Variants in DNAJC13 observed in about 807,000 individuals in gnomAD.
DNAJC13 encodes DnaJ heat shock protein family (Hsp40) member C13, also known as dnaJ homolog subfamily C member 13.
In DNAJC13, 75 loss-of-function variants were observed where a neutral mutation model predicts 290.5. That is an observed-to-expected ratio of 0.26 (90% CI 0.21 to 0.31). The LOEUF (loss-of-function observed/expected upper bound fraction) is 0.31, where lower values mean the gene tolerates loss of function less well. DNAJC13 is among the 10% of genes least tolerant of loss of function. DNAJC13 has a pLI of 1.00. For missense variants in DNAJC13, 2,260 were observed against 2,674.5 expected, an observed-to-expected ratio of 0.85 and a Z score of 3.42; for synonymous variants, 862 against 892.0, an observed-to-expected ratio of 0.97 and a Z score of 0.60.
chr3:132,477,271 C>T (rs1307837496), intron 22 of DNAJC13, among the ~76,000 whole-genome samples: 1 of 152,284 alleles, frequency 6.6e-6, no homozygotes, highest in East Asian at 1.9e-4. Flanking sequence ...TGAGTGCAAG[C>T]ATAGTGGTGG....
chr3:132,500,729 A>C, intron 38 of DNAJC13, 65 bp from the exon 39 acceptor site: 1 of 1,595,528 alleles, frequency 6.3e-7, no homozygotes, highest in Non-Finnish European at 8.6e-7. Context: ...TTTGATTTCT[A>C]TGTGTTAAAT....
chr3:132,447,356 T>C lies in DNAJC13; in HGVS notation c.180T>C (p.Val60=). The change falls in exon 4 of 56, where the codon GTT becomes GTC. Residue 60 remains valine, a synonymous_variant. Transcript: ENST00000260818. ...PYGDICSISP[V]GKGQGTEFNL... is the part of the protein sequence containing the mutation. The stretch of plus-strand genomic sequence containing the variant: ...GAGACATTTGCAGCATCAGCCCTGT[T>C]GGAAAAGGACAAGGAACGGAGTTCA... 1 of 1,598,866 alleles carries C rather than the reference T, an allele frequency of 6.3e-7. No homozygotes were observed. The highest frequency in any genetic ancestry group is 8.5e-7 in the Non-Finnish European group (1 of 1,174,754).
chr3:132,499,016 C>T, intron 36 of DNAJC13, 110 bp from the exon 37 acceptor site: 1 of 1,015,206 alleles, frequency 9.9e-7, no homozygotes, highest in Non-Finnish European at 1.4e-6. Context: ...ATGCCTGGCC[C>T]CATTTTTATT....
At chr3:132,422,378 T>C (rs944159555) in intron 1 of DNAJC13, among the ~76,000 whole-genome samples, 1 of 152,128 alleles carries the variant, frequency 6.6e-6, no homozygotes, top group Admixed American at 6.5e-5. Flanking sequence ...ATGGTACTTA[T>C]CTTTGGGACT....
At chr3:132,534,519 A>T (rs1281860398) in intron 55 of DNAJC13, among the ~76,000 whole-genome samples, 1 of 152,130 alleles carries the variant, frequency 6.6e-6, no homozygotes, top group Non-Finnish European at 1.5e-5. Flanking sequence ...TTAGCCAGGC[A>T]TGTTGGTGCA....
chr3:132,467,392 TG>T, intron 20 of DNAJC13, 79 bp downstream of exon 20: 1 of 1,443,448 alleles, frequency 6.9e-7, no homozygotes, highest in Non-Finnish European at 9.5e-7. Flanking sequence ...TTCACAGAGA[TG>T]GTATCGATAC....
At chr3:132,510,278 G>A (rs976462698) in intron 43 of DNAJC13, among the ~76,000 whole-genome samples, 5 of 152,120 alleles carry the variant, frequency 3.3e-5, no homozygotes, top group South Asian at 2.1e-4. Context: ...TTTAGAAGAT[G>A]ACTGGAGTCA....
At chr3:132,494,003 G>A (rs1935148818) in intron 33 of DNAJC13, 141 bp from the exon 34 acceptor site, 1 of 628,530 alleles carries the variant, frequency 1.6e-6, no homozygotes, top group African/African-American at 1.8e-5. Context: ...GGTGATTTTG[G>A]TTATTTGTAT....
chr3:132,483,289 A>G, intron 27 of DNAJC13, 86 bp from the exon 28 acceptor site: 1 of 1,137,430 alleles, frequency 8.8e-7, no homozygotes, highest in Non-Finnish European at 1.3e-6. Context: ...TTCATAATTT[A>G]GTATGTATTT....
In DNAJC13 at chr3:132,461,148, T is replaced by G. The variant is rs1379790214; in HGVS notation, c.1656T>G (p.Phe552Leu). Residue 552 changes from phenylalanine (F) to leucine (L), a missense_variant, in exon 15 of 56, where the codon TTT (phenylalanine) becomes TTG (leucine). Coordinates refer to ENST00000260818, the MANE Select transcript of DNAJC13 (RefSeq NM_015268.4). ...PYSETTEGQQ[F>L]DMLLEMVASN... ...GTGAGACAACTGAAGGGCAGCAGTT[T>G]GATATGCTCTTGGAGATGGTAGCAT... is the stretch of plus-strand genomic sequence containing the variant. The G allele has an allele frequency of 6.2e-7, 1 of 1,614,144 alleles. No individual in the cohort carries two copies. Among genetic ancestry groups the G allele is most frequent in the Admixed American group, 1.7e-5 (1 of 60,026 alleles).
At chr3:132,485,483 A>G (rs1934837430) in intron 29 of DNAJC13, among the ~76,000 whole-genome samples, 1 of 152,218 alleles carries the variant, frequency 6.6e-6, no homozygotes, top group Non-Finnish European at 1.5e-5. Context: ...TGGAAGATTG[A>G]GCCTAAACAT....
intron 1 of DNAJC13, among the ~76,000 whole-genome samples, chr3:132,428,185 TTGAA>T (rs1410455917): frequency 6.6e-6 from 1 of 152,208 alleles, no homozygotes; most frequent in Non-Finnish European, 1.5e-5. Flanking sequence ...ACCTCTCACT[TTGAA>T]TGATACATAG....
intron 5 of DNAJC13, among the ~76,000 whole-genome samples, chr3:132,450,273 G>T (rs986387800): frequency 6.6e-5 from 10 of 151,944 alleles, no homozygotes; most frequent in African/African-American, 2.2e-4. Context: ...ATTGAACTTG[G>T]ATTAAAAGAA....
At chr3:132,534,033 TAGA>T (rs1023032431) in intron 55 of DNAJC13, among the ~76,000 whole-genome samples, 8 of 152,178 alleles carry the variant, frequency 5.3e-5, no homozygotes, top group Admixed American at 2.0e-4. Flanking sequence ...GTGAAGGGGT[TAGA>T]AGAAGGTTAG....
chr3:132,434,761 A>C, intron 2 of DNAJC13, 143 bp downstream of exon 2: 1 of 522,808 alleles, frequency 1.9e-6, no homozygotes, highest in Non-Finnish European at 3.1e-6. Context: ...ATAAATGTAA[A>C]TGCTACATGT....
At chr3:132,506,779 T>C (rs943863118) in intron 42 of DNAJC13, among the ~76,000 whole-genome samples, 2 of 151,886 alleles carry the variant, frequency 1.3e-5, no homozygotes, top group African/African-American at 4.8e-5. Flanking sequence ...CTCGATCTCT[T>C]GACCTCATGA....
intron 1 of DNAJC13, among the ~76,000 whole-genome samples, chr3:132,432,836 T>A (rs1939277402): frequency 1.3e-5 from 2 of 152,230 alleles, no homozygotes; most frequent in Non-Finnish European, 2.9e-5. Flanking sequence ...ACAATCTTGA[T>A]CTGTTCTATA....
At position 132,515,265 on chromosome 3, in the gene DNAJC13, A is replaced by G. The variant is rs148543544; in HGVS notation, c.5485+595A>G. Among the ~76,000 whole-genome samples the G allele has an allele frequency of 7.1e-3, 1,075 of 152,300 alleles. 10 individuals carry two copies. The highest frequency in any genetic ancestry group is 0.024 in the African/African-American group (1,016 of 41,574). On this transcript the variant is annotated intron_variant, in intron 46 of 55. Coordinates refer to ENST00000260818, the MANE Select transcript of DNAJC13 (RefSeq NM_015268.4). ...ATTACAATATAACTTCAAACTCAGC[A>G]ATAACCAGAATACATTGCTTAGTTG...
intron 17 of DNAJC13, 86 bp downstream of exon 17, chr3:132,463,903 A>G (rs1327962105): frequency 7.2e-7 from 1 of 1,397,708 alleles, no homozygotes; most frequent in Non-Finnish European, 9.7e-7. Flanking sequence ...ATGTGTTTGT[A>G]TTACACAAAT....
Sources: allele counts gnomAD v4.1 joint callset (sites outside exome capture counted in the v4.1 genomes callset), GRCh38; gene constraint gnomAD v4.1.1; transcripts MANE v1.5; gene names NCBI Gene and HGNC (gene_info 2026-07-23, HGNC 2026-07-21).